Variants in TMEM132D observed in about 807,000 individuals in gnomAD.
TMEM132D encodes the protein mature OL transmembrane protein.
Under a neutral mutation model 62.3 loss-of-function variants are expected in TMEM132D, and 21 were observed. The ratio of observed to expected loss-of-function variants is 0.34; its 90% CI spans 0.24 to 0.49. The LOEUF is 0.49. Ranked by LOEUF, TMEM132D falls within the 20% of genes least tolerant of loss-of-function variation. TMEM132D has a pLI of 0.99. For synonymous variants in TMEM132D, 621 were observed against 575.6 expected (o/e 1.08, Z -1.13); for missense variants, 1,346 against 1,402.8 (o/e 0.96, Z 0.65).
At chr12:129,605,620 T>TAC (rs1260473603) in intron 2 of TMEM132D, among the ~76,000 whole-genome samples, 67 of 111,326 alleles carry the variant, frequency 6.0e-4, no homozygotes, top group African/African-American at 9.9e-4. Flanking sequence ...CACATATATA[T>TAC]ATACACACAC....
chr12:129,452,343 T>C (rs115608813), intron 3 of TMEM132D, among the ~76,000 whole-genome samples: 2,424 of 152,364 alleles, frequency 0.016, 63 homozygotes, highest in African/African-American at 0.055. Context: ...TACTTTCTAG[T>C]TGGTCAGTAA....
At chr12:129,534,095 C>A (rs549008418) in intron 2 of TMEM132D, among the ~76,000 whole-genome samples, 267 of 152,328 alleles carry the variant, frequency 1.8e-3, no homozygotes, top group Non-Finnish European at 3.3e-3. Flanking sequence ...GGGTCTGAGC[C>A]AAATACTAAT....
At chr12:129,377,932 T>C (rs1870830457) in intron 3 of TMEM132D, among the ~76,000 whole-genome samples, 1 of 152,234 alleles carries the variant, frequency 6.6e-6, no homozygotes, top group Non-Finnish European at 1.5e-5. Context: ...TGGAATGAAG[T>C]CAGGTTTAAG....
chr12:129,107,581 C>A (rs1201766099), intron 5 of TMEM132D, among the ~76,000 whole-genome samples: 4 of 152,132 alleles, frequency 2.6e-5, no homozygotes, highest in East Asian at 1.9e-4. Context: ...CCCTGATTAA[C>A]CCTGAGTTTA....
intron 1 of TMEM132D, among the ~76,000 whole-genome samples, chr12:129,721,500 A>C (rs1868829424): frequency 6.6e-6 from 1 of 152,152 alleles, no homozygotes; most frequent in Admixed American, 6.5e-5. Context: ...GGTCCTTGAA[A>C]CTAGCTCCCG....
chr12:129,137,144 ATTGTCATCACT>A (rs1405888976), intron 5 of TMEM132D, among the ~76,000 whole-genome samples: 5 of 32,750 alleles, frequency 1.5e-4, no homozygotes, highest in South Asian at 9.5e-4. Flanking sequence ...CATCACTATC[ATTGTCATCACT>A]ATCACAATCA....
chr12:129,348,824 C>T (rs529735036), intron 3 of TMEM132D, among the ~76,000 whole-genome samples: 1 of 152,306 alleles, frequency 6.6e-6, no homozygotes, highest in Admixed American at 6.5e-5. Context: ...AATAGCCAGG[C>T]AATCCTGAGT....
intron 2 of TMEM132D, among the ~76,000 whole-genome samples, chr12:129,653,931 TAC>T (rs1470389804): frequency 2.0e-5 from 3 of 152,186 alleles, no homozygotes; most frequent in Non-Finnish European, 4.4e-5. Context: ...TCAACCAAGG[TAC>T]CAGGTTACAT....
intron 5 of TMEM132D, among the ~76,000 whole-genome samples, chr12:129,155,740 A>C (rs946316817): frequency 6.6e-6 from 1 of 152,192 alleles, no homozygotes; most frequent in African/African-American, 2.4e-5. Flanking sequence ...GCCCATTCCC[A>C]TTATAACCAA....
At chr12:129,332,416 A>G (rs1019717835) in intron 4 of TMEM132D, among the ~76,000 whole-genome samples, 1 of 152,180 alleles carries the variant, frequency 6.6e-6, no homozygotes, top group Non-Finnish European at 1.5e-5. Flanking sequence ...CTTTCGATGC[A>G]AGCACCTGGC....
chr12:129,711,870 G>A (rs1868382773), intron 1 of TMEM132D, among the ~76,000 whole-genome samples: 1 of 149,936 alleles, frequency 6.7e-6, no homozygotes, highest in South Asian at 2.1e-4. Flanking sequence ...AATGAAAATA[G>A]GACTATAACA....
chr12:129,131,272 C>T (rs537897918), intron 5 of TMEM132D, among the ~76,000 whole-genome samples: 84 of 152,252 alleles, frequency 5.5e-4, no homozygotes, highest in South Asian at 3.9e-3. Context: ...ATTTTGGGGT[C>T]CAAAGATGAC....
intron 3 of TMEM132D, among the ~76,000 whole-genome samples, chr12:129,492,764 C>G (rs961402731): frequency 6.6e-6 from 1 of 152,066 alleles, no homozygotes; most frequent in Non-Finnish European, 1.5e-5. Flanking sequence ...TAGAGTCACG[C>G]GAGACTGCTT....
At chr12:129,892,620 C>CAA (rs1323945254) in intron 1 of TMEM132D, among the ~76,000 whole-genome samples, 2 of 151,904 alleles carry the variant, frequency 1.3e-5, no homozygotes, top group Non-Finnish European at 2.9e-5. Context: ...ATTTTTTTCC[C>CAA]AAGTATTATT....
At chr12:129,387,955 CT>C (rs1871159674) in intron 3 of TMEM132D, among the ~76,000 whole-genome samples, 1 of 88,442 alleles carries the variant, frequency 1.1e-5, no homozygotes, top group Non-Finnish European at 2.4e-5. Flanking sequence ...CAATCCAGCA[CT>C]GACAATAATA....
chr12:129,151,614 A>G (rs575948184), intron 5 of TMEM132D, among the ~76,000 whole-genome samples: 1 of 152,326 alleles, frequency 6.6e-6, no homozygotes, highest in East Asian at 1.9e-4. Context: ...CTAATTGACA[A>G]GTAGGCACAG....
chr12:129,213,862 G>C (rs1238471239), intron 4 of TMEM132D, among the ~76,000 whole-genome samples: 2 of 152,132 alleles, frequency 1.3e-5, no homozygotes, highest in Non-Finnish European at 2.9e-5. Flanking sequence ...TGAGGTTTGG[G>C]GGAACAGACA....
At chr12:129,503,108 C>G (rs1875207050) in intron 3 of TMEM132D, among the ~76,000 whole-genome samples, 1 of 152,196 alleles carries the variant, frequency 6.6e-6, no homozygotes, top group African/African-American at 2.4e-5. Flanking sequence ...ATGCTCAGTA[C>G]TGCAGAAAAT....
At chr12:129,739,041 C>T (rs575580597) in intron 1 of TMEM132D, among the ~76,000 whole-genome samples, 24 of 152,184 alleles carry the variant, frequency 1.6e-4, no homozygotes, top group South Asian at 4.1e-4. Flanking sequence ...CTTAAGAAGA[C>T]GACAAAAGCT....
Sources: allele counts gnomAD v4.1 joint callset (sites outside exome capture counted in the v4.1 genomes callset), GRCh38; gene constraint gnomAD v4.1.1; transcripts MANE v1.5; gene names NCBI Gene and HGNC (gene_info 2026-07-23, HGNC 2026-07-21).